Variants in NFAM1 observed in about 807,000 individuals in gnomAD.
The protein encoded by NFAM1 is NFAT activation molecule 1.
In NFAM1, 17 loss-of-function variants were observed where a neutral mutation model predicts 29.0. The observed-to-expected ratio is 0.59, with a 90% CI of 0.40 to 0.88. The LOEUF is 0.88. Among genes scored for constraint, NFAM1 ranks in the 40% least tolerant of loss-of-function variants. The pLI is 0.00. For missense variants in NFAM1, 324 were observed against 344.6 expected (o/e 0.94, Z 0.47); for synonymous variants, 175 against 147.2 (o/e 1.19, Z -1.36).
intron 2 of NFAM1, among the ~76,000 whole-genome samples, chr22:42,410,965 CT>C (rs2147108183): frequency 6.6e-6 from 1 of 151,932 alleles, no homozygotes; most frequent in South Asian, 2.1e-4. Flanking sequence ...GTGGGTCTGC[CT>C]GCTTTGCCAA....
chr22:42,425,710 T>A (rs1930600551), intron 1 of NFAM1, among the ~76,000 whole-genome samples: 1 of 152,184 alleles, frequency 6.6e-6, no homozygotes, highest in Non-Finnish European at 1.5e-5. Flanking sequence ...CCTTCCCTCC[T>A]CTTCCCCTCC....
At position 42,388,110 on chromosome 22, in the gene NFAM1, C is replaced by T. The variant is rs1206066690; in HGVS notation, c.664-1032G>A. Reference sequence around the variant, plus strand: ...CTCGGGTGTGTCCTAGGCCCACTCACTCTTGGCCCAGCTAAGAAAGGCCTA... The same window carrying T: ...CTCGGGTGTGTCCTAGGCCCACTCATTCTTGGCCCAGCTAAGAAAGGCCTA... On this transcript the variant is annotated intron_variant, in intron 4 of 5. Coordinates refer to ENST00000329021, the MANE Select transcript of NFAM1 (RefSeq NM_145912.8). This position sits in a 1 kb window ranked among gnomAD's most constrained non-coding sequence, Gnocchi z 4.1. Among the ~76,000 whole-genome samples, 1 of 152,244 alleles carries T rather than the reference C, an allele frequency of 6.6e-6. No homozygotes were observed. The highest frequency in any genetic ancestry group is 2.4e-5 in the African/African-American group (1 of 41,460).
intron 4 of NFAM1, 69 bp from the exon 5 acceptor site, chr22:42,387,147 GC>G: frequency 2.2e-6 from 2 of 910,526 alleles, no homozygotes; most frequent in Non-Finnish European, 1.7e-6. Context: ...CCAGCAGCCA[GC>G]CCCCTGCCTG....
At chr22:42,386,211 A>G (rs1351092604) in intron 5 of NFAM1, among the ~76,000 whole-genome samples, 3 of 151,996 alleles carry the variant, frequency 2.0e-5, no homozygotes, top group Non-Finnish European at 2.9e-5. Context: ...TGTCTGTACT[A>G]AAAACACAAA....
chr22:42,427,557 C>T (rs937100871), intron 1 of NFAM1, among the ~76,000 whole-genome samples: 14 of 152,204 alleles, frequency 9.2e-5, no homozygotes, highest in Non-Finnish European at 2.1e-4. Flanking sequence ...TTTTCAACCA[C>T]TTAAAAATAT....
At chr22:42,385,444 T>A (rs113795387) in intron 5 of NFAM1, among the ~76,000 whole-genome samples, 1 of 151,160 alleles carries the variant, frequency 6.6e-6, no homozygotes, top group African/African-American at 2.4e-5. Flanking sequence ...GGCCTGCCCT[T>A]CCAGCCTCAG....
chr22:42,396,606 A>G (rs1465677975), intron 4 of NFAM1, among the ~76,000 whole-genome samples: 1 of 152,122 alleles, frequency 6.6e-6, no homozygotes, highest in East Asian at 1.9e-4. Context: ...TAGGGAAAAT[A>G]CCACTATGAG....
At chr22:42,391,746 A>G (rs950408071) in intron 4 of NFAM1, among the ~76,000 whole-genome samples, 1 of 151,826 alleles carries the variant, frequency 6.6e-6, no homozygotes, top group African/African-American at 2.4e-5. Context: ...GGAGTTCGAG[A>G]CCAGCCTGGC....
At chr22:42,423,474 G>A (rs984496419) in intron 1 of NFAM1, among the ~76,000 whole-genome samples, 1 of 152,104 alleles carries the variant, frequency 6.6e-6, no homozygotes, top group South Asian at 2.1e-4. Flanking sequence ...CAGCATTTTC[G>A]GAGGCCAAGG....
chr22:42,416,875 G>T (rs1930276617), intron 1 of NFAM1, among the ~76,000 whole-genome samples: 1 of 152,176 alleles, frequency 6.6e-6, no homozygotes, highest in South Asian at 2.1e-4. Flanking sequence ...CTTCTAGACT[G>T]GCTCATGCAG....
chr22:42,437,304 G>A (rs1188555058), upstream of NFAM1, among the ~76,000 whole-genome samples: 4 of 151,758 alleles, frequency 2.6e-5, no homozygotes, highest in Non-Finnish European at 5.9e-5. Context: ...CACCACACCC[G>A]GCTATGTTTG....
chr22:42,386,396 A>AAC (rs59742194), intron 5 of NFAM1, among the ~76,000 whole-genome samples: 10,951 of 125,164 alleles, frequency 0.087, 587 homozygotes, highest in African/African-American at 0.16. Context: ...AAAACAAACA[A>AAC]ACACACACAC....
At position 42,392,435 on chromosome 22, in the gene NFAM1, A is replaced by G. The variant is rs1286770414; in HGVS notation, c.664-5357T>C. 2.6e-5 allele frequency among the ~76,000 whole-genome samples: 4 copies of G among 152,098 alleles called. No homozygotes were observed. The East Asian group carries it at 7.7e-4, about 29-fold the overall frequency. On this transcript the variant is annotated intron_variant, in intron 4 of 5. Transcript: ENST00000329021. ...CCTGAGAAGGAAGGTTCTGGCGAAGAGGAGGGTTGCAAGCCTGTAGAGAGA... is the reference window on the plus strand; with the variant it reads ...CCTGAGAAGGAAGGTTCTGGCGAAGGGGAGGGTTGCAAGCCTGTAGAGAGA...
intron 1 of NFAM1, among the ~76,000 whole-genome samples, chr22:42,421,563 G>T (rs1306874505): frequency 6.6e-6 from 1 of 151,908 alleles, no homozygotes; most frequent in African/African-American, 2.4e-5. Flanking sequence ...CTCTGCTCCA[G>T]CTGCTGAGGC....
At chr22:42,421,635 A>AGGAG (rs1426631852) in intron 1 of NFAM1, among the ~76,000 whole-genome samples, 9 of 152,048 alleles carry the variant, frequency 5.9e-5, no homozygotes, top group African/African-American at 2.2e-4. Context: ...CATGGAACTC[A>AGGAG]ATCCCTTCTA....
In NFAM1 at chr22:42,382,671, C is replaced by T. The variant is rs555881768; in HGVS notation, c.*2490G>A. On this transcript the variant is annotated 3_prime_UTR_variant, in exon 6 of 6. Transcript: ENST00000329021. ...CTGTGCCAGCTTGTCTCTGCAGGCT[C>T]TCAGTCCTGGGGGCTGGAGAACAGG... 1.2e-4 allele frequency: 18 copies of T among 152,658 alleles called. No homozygotes were observed. Among genetic ancestry groups the T allele is most frequent in the African/African-American group, 2.9e-4 (12 of 41,534 alleles). 9.5% of individuals were successfully genotyped at this position (152,658 alleles called of 1,614,324 possible).
In NFAM1 at chr22:42,384,894, G is replaced by A. The variant is rs569499551; in HGVS notation, c.*267C>T. ...GGAAAGCCCTTGAAGACTGAGGGGC[G>A]CTTTGCTGGTTGGGCCAAGGGAGGA... On this transcript the variant is annotated 3_prime_UTR_variant, in exon 6 of 6. Coordinates refer to ENST00000329021, the MANE Select transcript of NFAM1 (RefSeq NM_145912.8). 7.7e-5 allele frequency: 43 copies of A among 556,498 alleles called. 1 individual carries two copies. Among genetic ancestry groups the A allele is most frequent in the African/African-American group, 4.1e-4 (22 of 53,142 alleles). The allele number at this position is 556,498 out of a possible 1,614,324, so 34.5% of individuals were successfully genotyped here.
chr22:42,430,156 G>A (rs149709944), intron 1 of NFAM1, among the ~76,000 whole-genome samples: 2 of 152,062 alleles, frequency 1.3e-5, no homozygotes, highest in African/African-American at 2.4e-5. Flanking sequence ...CCAGTTATTC[G>A]GGAGGCTGAG....
Position 42,414,557 on chromosome 22 carries a change from A to T in NFAM1, c.122-2821T>A, listed in dbSNP as rs1007645550. The stretch of plus-strand genomic sequence containing the variant: ...AGTTCAAGGCCAGCCTGGGCATCAA[A>T]TTTTTTTTTTTTTAAATTAAAAAAA... On this transcript the variant is annotated intron_variant, in intron 1 of 5. Transcript: ENST00000329021. 1.4e-4 allele frequency among the ~76,000 whole-genome samples: 21 copies of T among 147,472 alleles called. No individual in the cohort carries two copies. In the East Asian group the frequency reaches 3.4e-3, roughly 24 times the overall value.
Sources: gnomAD v4.1 joint callset for allele counts (sites outside exome capture counted in the v4.1 genomes callset) on GRCh38, gnomAD v4.1.1 for gene constraint, Gnocchi (gnomAD v3.1) non-coding constraint, MANE v1.5 for transcripts, NCBI Gene and HGNC (gene_info 2026-07-23, HGNC 2026-07-21) for gene names.